RBFOX1: variants seen among roughly 807,000 people sequenced by gnomAD.
The protein encoded by RBFOX1 is RNA binding fox-1 homolog 1.
RBFOX1 carries 8 observed loss-of-function variants against 57.7 expected under a neutral mutation model. That is an observed-to-expected ratio of 0.14 (90% CI 0.08 to 0.25). RBFOX1 has a LOEUF of 0.25. Among genes scored for constraint, RBFOX1 ranks in the 10% least tolerant of loss-of-function variants. The pLI is 1.00. For synonymous variants in RBFOX1, 326 were observed against 222.4 expected (o/e 1.47, Z -4.15); for missense variants, 611 against 548.5 (o/e 1.11, Z -1.14).
intron 4 of RBFOX1, among the ~76,000 whole-genome samples, chr16:5,963,370 T>C (rs2059786869): frequency 6.6e-6 from 1 of 152,196 alleles, no homozygotes; most frequent in South Asian, 2.1e-4. Flanking sequence ...TCTGGAGTGT[T>C]ATACGCCAGG....
chr16:7,296,544 G>A (rs761157485), intron 4 of RBFOX1, among the ~76,000 whole-genome samples: 23 of 152,094 alleles, frequency 1.5e-4, no homozygotes, highest in Admixed American at 4.6e-4. Context: ...ACTAAGGCTC[G>A]GAATGGTTAG....
At chr16:5,780,369 T>C (rs2054287004) in intron 3 of RBFOX1, among the ~76,000 whole-genome samples, 1 of 152,238 alleles carries the variant, frequency 6.6e-6, no homozygotes, top group Non-Finnish European at 1.5e-5. Flanking sequence ...CAGGAAAGGA[T>C]AGAGACAATG....
Position 6,991,261 on chromosome 16 carries a change from C to T in RBFOX1, c.-15-60796C>T, listed in dbSNP as rs75153146. 5.9e-3 allele frequency among the ~76,000 whole-genome samples: 896 copies of T among 151,806 alleles called. 8 individuals carry two copies. The highest frequency in any genetic ancestry group is 0.02 in the African/African-American group (820 of 41,370). ...GTTGCAGTGAGTTGAGACCATGCCA[C>T]GTCACTCCAGCCTGGGCAGTAGAGT... On this transcript the variant is annotated intron_variant, in intron 3 of 15. Coordinates refer to ENST00000550418, the MANE Select transcript of RBFOX1 (RefSeq NM_018723.4).
chr16:6,281,153 G>C (rs1286272726), intron 1 of RBFOX1, among the ~76,000 whole-genome samples: 3 of 151,980 alleles, frequency 2.0e-5, no homozygotes, highest in Non-Finnish European at 4.4e-5. Context: ...CAGATGGTGG[G>C]GGATGTTAGT....
At chr16:7,425,007 CATT>C (rs1052228647) in intron 4 of RBFOX1, among the ~76,000 whole-genome samples, 29 of 152,046 alleles carry the variant, frequency 1.9e-4, no homozygotes, top group African/African-American at 7.0e-4. Flanking sequence ...TACAAGTTGG[CATT>C]ATTATTATTT....
At chr16:6,972,501 G>A (rs1248777011) in intron 3 of RBFOX1, among the ~76,000 whole-genome samples, 1 of 152,116 alleles carries the variant, frequency 6.6e-6, no homozygotes, top group Non-Finnish European at 1.5e-5. Context: ...GTGGACATTT[G>A]GGTTGCCGCC....
Position 5,975,207 on chromosome 16 carries a change from G to A in RBFOX1, c.351+107872G>A, listed in dbSNP as rs142631864. ...TAGCTGACTCCTCTTTCTCGATGCC[G>A]GCTTGGGATGGCCCTGATAAATCGA... is the stretch of plus-strand genomic sequence containing the variant. On this transcript the variant is annotated intron_variant, in intron 4 of 19. Coordinates refer to the RBFOX1 transcript ENST00000641259. 6.6e-5 allele frequency among the ~76,000 whole-genome samples: 10 copies of A among 152,168 alleles called. No individual in the cohort carries two copies. The East Asian group carries it at 1.5e-3, about 24-fold the overall frequency.
chr16:7,200,279 C>T (rs1406950421), intron 4 of RBFOX1, among the ~76,000 whole-genome samples: 1 of 152,052 alleles, frequency 6.6e-6, no homozygotes, highest in African/African-American at 2.4e-5. Flanking sequence ...GTAGGTTTTC[C>T]CAGGGAGTGG....
intron 4 of RBFOX1, among the ~76,000 whole-genome samples, chr16:7,136,775 T>A (rs949944789): frequency 1.3e-5 from 2 of 152,172 alleles, no homozygotes; most frequent in Non-Finnish European, 2.9e-5. Flanking sequence ...AGGTGGATAG[T>A]GGTTAGTATT....
At chr16:5,714,377 CA>C (rs2051609246) in intron 3 of RBFOX1, among the ~76,000 whole-genome samples, 1 of 152,194 alleles carries the variant, frequency 6.6e-6, no homozygotes, top group Non-Finnish European at 1.5e-5. Flanking sequence ...AGAACTTCCC[CA>C]TACCAATGAC....
intron 3 of RBFOX1, among the ~76,000 whole-genome samples, chr16:6,825,142 C>G (rs562337563): frequency 1.3e-5 from 2 of 150,994 alleles, no homozygotes; most frequent in African/African-American, 2.4e-5. Flanking sequence ...GATTAACAAC[C>G]TCACTCAGCA....
At chr16:6,697,251 T>G (rs1195871854) in intron 3 of RBFOX1, among the ~76,000 whole-genome samples, 1 of 152,098 alleles carries the variant, frequency 6.6e-6, no homozygotes, top group African/African-American at 2.4e-5. Flanking sequence ...GGACCAGGTT[T>G]TTAAATTTTC....
chr16:5,403,072 C>T (rs894931796), intron 1 of RBFOX1, among the ~76,000 whole-genome samples: 7 of 151,706 alleles, frequency 4.6e-5, no homozygotes, highest in Admixed American at 6.6e-5. Context: ...TTACTACGGG[C>T]GGGGCATGGT....
chr16:7,376,378 G>T (rs573553474), intron 4 of RBFOX1, among the ~76,000 whole-genome samples: 6 of 152,058 alleles, frequency 3.9e-5, no homozygotes, highest in Non-Finnish European at 8.8e-5. Flanking sequence ...ACGCAGCATC[G>T]CCTTTGAGGT....
At chr16:5,339,385 G>A (rs1377569125) in intron 1 of RBFOX1, among the ~76,000 whole-genome samples, 1 of 150,390 alleles carries the variant, frequency 6.6e-6, no homozygotes, top group Non-Finnish European at 1.5e-5. Flanking sequence ...CTTAACAAAG[G>A]CAATGGTCCT....
chr16:7,166,300 CACCG>C (rs2079498622), intron 4 of RBFOX1, among the ~76,000 whole-genome samples: 1 of 152,106 alleles, frequency 6.6e-6, no homozygotes, highest in Non-Finnish European at 1.5e-5. Flanking sequence ...AGGCGTGAAC[CACCG>C]CACCCGGCCG....
intron 3 of RBFOX1, among the ~76,000 whole-genome samples, chr16:7,014,140 C>A (rs1409688051): frequency 2.6e-5 from 4 of 152,114 alleles, no homozygotes; most frequent in African/African-American, 4.8e-5. Flanking sequence ...AATAAATGCT[C>A]AAAAAGAACT....
intron 4 of RBFOX1, among the ~76,000 whole-genome samples, chr16:7,062,571 A>C (rs2054709867): frequency 6.6e-6 from 1 of 152,076 alleles, no homozygotes; most frequent in Non-Finnish European, 1.5e-5. Context: ...TTCCTCTTTC[A>C]CGTGTGCAGT....
chr16:7,229,621 T>C (rs1474761278), intron 4 of RBFOX1, among the ~76,000 whole-genome samples: 1 of 53,456 alleles, frequency 1.9e-5, no homozygotes, highest in Non-Finnish European at 3.6e-5. Flanking sequence ...AGAAGAAAGA[T>C]GGAGGGAGGG....
Sources: gnomAD v4.1 joint callset for allele counts (sites outside exome capture counted in the v4.1 genomes callset) on GRCh38, gnomAD v4.1.1 for gene constraint, MANE v1.5 for transcripts, NCBI Gene and HGNC (gene_info 2026-07-23, HGNC 2026-07-21) for gene names.